TENM2: variants seen among roughly 807,000 people sequenced by gnomAD.
TENM2 encodes the protein teneurin-2.
A neutral mutation model predicts 245.2 loss-of-function variants in TENM2; 52 were observed. That is an observed-to-expected ratio of 0.21 (90% CI 0.17 to 0.27). The LOEUF (loss-of-function observed/expected upper bound fraction) is 0.27, where lower values mean the gene tolerates loss of function less well. TENM2 is among the 10% of genes least tolerant of loss of function. The pLI is 1.00. For synonymous variants in TENM2, 1,363 were observed against 1,438.9 expected, an observed-to-expected ratio of 0.95 and a Z score of 1.19; for missense variants, 3,046 against 3,666.8, an observed-to-expected ratio of 0.83 and a Z score of 4.37.
the TENM2 span, among the ~76,000 whole-genome samples, chr5:167,076,862 A>AGAG: frequency 2.6e-5 from 4 of 151,760 alleles, no homozygotes; most frequent in South Asian, 8.3e-4. Flanking sequence ...TTTTTTTGAC[A>AGAG]GAGTCTCGCC....
chr5:168,146,543 C>T (rs1293025038), intron 12 of TENM2, among the ~76,000 whole-genome samples: 1 of 152,092 alleles, frequency 6.6e-6, no homozygotes, highest in Non-Finnish European at 1.5e-5. Flanking sequence ...ACCAGGCAGG[C>T]CAAATAATTG....
At chr5:167,320,231 C>T (rs908892545) in intron 1 of TENM2, among the ~76,000 whole-genome samples, 11 of 152,038 alleles carry the variant, frequency 7.2e-5, no homozygotes, top group Admixed American at 6.5e-5. Context: ...TAGATGATTC[C>T]CAATAAAATA....
At chr5:167,040,348 C>A in the TENM2 span, among the ~76,000 whole-genome samples, 2 of 152,080 alleles carry the variant, frequency 1.3e-5, no homozygotes, top group Non-Finnish European at 2.9e-5. Flanking sequence ...TTGAGGCAGT[C>A]TTTAAATGGG....
chr5:166,992,277 A>G, the TENM2 span, among the ~76,000 whole-genome samples: 2 of 152,200 alleles, frequency 1.3e-5, no homozygotes, highest in African/African-American at 4.8e-5. Context: ...AGCCAGAGGA[A>G]TAGTTGTCCG....
chr5:168,095,735 T>C (rs1368386669), intron 8 of TENM2, among the ~76,000 whole-genome samples: 1 of 152,170 alleles, frequency 6.6e-6, no homozygotes, highest in African/African-American at 2.4e-5. Context: ...GACTGAATCA[T>C]ATGTAAGAAT....
At chr5:167,468,942 G>A (rs894720771) in intron 2 of TENM2, among the ~76,000 whole-genome samples, 37 of 152,266 alleles carry the variant, frequency 2.4e-4, no homozygotes, top group African/African-American at 8.9e-4. Context: ...CCTTTCCCAT[G>A]TTCAAATGAT....
At chr5:167,610,791 A>C (rs1418454085) in intron 2 of TENM2, among the ~76,000 whole-genome samples, 1 of 152,262 alleles carries the variant, frequency 6.6e-6, no homozygotes, top group African/African-American at 2.4e-5. Flanking sequence ...AGTTAACATC[A>C]ATTTTCTTTT....
the TENM2 span, among the ~76,000 whole-genome samples, chr5:167,106,204 C>T: frequency 6.6e-6 from 1 of 152,074 alleles, no homozygotes; most frequent in Non-Finnish European, 1.5e-5. Flanking sequence ...CCATTTGGTT[C>T]ACAAACTGTC....
intron 8 of TENM2, among the ~76,000 whole-genome samples, chr5:168,095,179 A>G (rs776094678): frequency 2.0e-5 from 3 of 152,152 alleles, no homozygotes; most frequent in Non-Finnish European, 2.9e-5. Context: ...ACCATCCCCA[A>G]GCCCCAGTCT....
the TENM2 span, among the ~76,000 whole-genome samples, chr5:167,247,887 A>G: frequency 6.6e-6 from 1 of 152,180 alleles, no homozygotes; most frequent in African/African-American, 2.4e-5. Context: ...TTCTAAATGT[A>G]GGCTCTAAAT....
chr5:167,364,170 CTG>C (rs1306686327), intron 1 of TENM2, among the ~76,000 whole-genome samples: 1 of 151,960 alleles, frequency 6.6e-6, no homozygotes, highest in Non-Finnish European at 1.5e-5. Flanking sequence ...GAGGCAATGA[CTG>C]AGACTTTTTT....
At chr5:167,553,398 A>G (rs1773079532) in intron 2 of TENM2, among the ~76,000 whole-genome samples, 1 of 152,192 alleles carries the variant, frequency 6.6e-6, no homozygotes, top group Admixed American at 6.5e-5. Context: ...TGATTTATCA[A>G]AGGCCAACTA....
intron 2 of TENM2, among the ~76,000 whole-genome samples, chr5:167,405,076 A>T (rs1190122642): frequency 1.3e-5 from 2 of 152,124 alleles, no homozygotes; most frequent in Non-Finnish European, 2.9e-5. Context: ...ATTTAGCATG[A>T]TGTTCTTGAA....
rs1247160183 is a variant in TENM2 at position 167,920,343 on chromosome 5, A to AG, written c.713-32245_713-32244insG. ...CCTGTCTCTACTTAAAAAAAAAAGAAAAAAAAAGAAAAAAAAAATCAAAAG... is the reference window on the plus strand; with the variant it reads ...CCTGTCTCTACTTAAAAAAAAAAGAAGAAAAAAAGAAAAAAAAAATCAAAAG... On this transcript the variant is annotated intron_variant, in intron 3 of 28. Coordinates refer to ENST00000518659, the Ensembl canonical transcript of TENM2. Among the ~76,000 whole-genome samples the AG allele has an allele frequency of 6.1e-3, 918 of 151,048 alleles. 9 individuals carry two copies. Among genetic ancestry groups the AG allele is most frequent in the South Asian group, 0.023 (109 of 4,770 alleles).
intron 12 of TENM2, among the ~76,000 whole-genome samples, chr5:168,132,452 G>A (rs1335641055): frequency 6.6e-6 from 1 of 152,168 alleles, no homozygotes; most frequent in Non-Finnish European, 1.5e-5. Context: ...AAAGAAAAGA[G>A]GAGAAGAATT....
At chr5:167,747,580 A>T (rs1168123305) in intron 2 of TENM2, among the ~76,000 whole-genome samples, 1 of 152,192 alleles carries the variant, frequency 6.6e-6, no homozygotes, top group Non-Finnish European at 1.5e-5. Context: ...CATTTCGGTA[A>T]CATTGATCGA....
chr5:167,469,166 A>T (rs1475266219), intron 2 of TENM2, among the ~76,000 whole-genome samples: 4 of 152,138 alleles, frequency 2.6e-5, no homozygotes, highest in Non-Finnish European at 5.9e-5. Context: ...TTTTCATCTG[A>T]AGTTAGGCTG....
At chr5:168,234,239 G>GTATC (rs1765216325) in intron 25 of TENM2, among the ~76,000 whole-genome samples, 1 of 152,064 alleles carries the variant, frequency 6.6e-6, no homozygotes, top group Non-Finnish European at 1.5e-5. Flanking sequence ...AAAAAGGAAG[G>GTATC]TATCTCCCCC....
chr5:167,962,234 C>T (rs1182017792), intron 4 of TENM2, among the ~76,000 whole-genome samples: 1 of 148,764 alleles, frequency 6.7e-6, no homozygotes, highest in Non-Finnish European at 1.5e-5. Context: ...GGAAGAAGCA[C>T]ATTAAAGAAA....
Sources: gnomAD v4.1 joint callset for allele counts (sites outside exome capture counted in the v4.1 genomes callset) on GRCh38, gnomAD v4.1.1 for gene constraint, MANE v1.5 for transcripts, NCBI Gene and HGNC (gene_info 2026-07-23, HGNC 2026-07-21) for gene names.